The following LTBP1 variants were observed in gnomAD, a reference collection of about 807,000 sequenced individuals.
LTBP1 encodes the protein latent transforming growth factor beta binding protein 1.
Under a neutral mutation model 207.6 loss-of-function variants are expected in LTBP1, and 129 were observed. The ratio of observed to expected loss-of-function variants is 0.62; its 90% confidence interval spans 0.54 to 0.72. The LOEUF (loss-of-function observed/expected upper bound fraction) is 0.72. Among genes scored for constraint, LTBP1 ranks in the 30% least tolerant of loss-of-function variants. The pLI is 0.00. For missense variants in LTBP1, 2,281 were observed against 2,217.2 expected, an observed-to-expected ratio of 1.03 and a Z score of -0.58; for synonymous variants, 963 against 833.7, an observed-to-expected ratio of 1.16 and a Z score of -2.67.
chr2:33,213,470 A>G (rs2090459331), intron 7 of LTBP1, among the ~76,000 whole-genome samples: 1 of 152,216 alleles, frequency 6.6e-6, no homozygotes, highest in Non-Finnish European at 1.5e-5. Flanking sequence ...GCAGAACCTA[A>G]CAGTCATAGA....
chr2:33,061,318 T>A (rs2077261867), intron 3 of LTBP1: 1 of 152,164 alleles, frequency 6.6e-6, no homozygotes, highest in South Asian at 2.1e-4. Flanking sequence ...GGTCAGTATT[T>A]GCTTATAGTG....
intron 5 of LTBP1, among the ~76,000 whole-genome samples, chr2:33,155,239 T>C (rs944563884): frequency 2.0e-5 from 3 of 152,148 alleles, no homozygotes; most frequent in African/African-American, 7.2e-5. Context: ...CTAATTTTTG[T>C]ATTTTTAGAA....
chr2:33,147,157 G>C (rs1490864607), intron 5 of LTBP1, among the ~76,000 whole-genome samples: 1 of 152,158 alleles, frequency 6.6e-6, no homozygotes, highest in Non-Finnish European at 1.5e-5. Flanking sequence ...ATGCTCAAAA[G>C]GTACAGATGC....
intron 22 of LTBP1, among the ~76,000 whole-genome samples, chr2:33,308,305 A>G (rs543253000): frequency 1.3e-5 from 2 of 152,200 alleles, no homozygotes; most frequent in African/African-American, 4.8e-5. Flanking sequence ...GTTATTGGTT[A>G]TGTATACCAC....
At chr2:33,263,669 A>G (rs1352027676) in intron 15 of LTBP1, among the ~76,000 whole-genome samples, 4 of 152,230 alleles carry the variant, frequency 2.6e-5, no homozygotes, top group Non-Finnish European at 5.9e-5. Context: ...AATACAGAAT[A>G]CAGGCTGGGT....
intron 3 of LTBP1, among the ~76,000 whole-genome samples, chr2:33,061,629 G>GTATA (rs2077275399): frequency 6.6e-6 from 1 of 152,106 alleles, no homozygotes; most frequent in Non-Finnish European, 1.5e-5. Flanking sequence ...ACTGTCGCGT[G>GTATA]AATAAGCAGT....
chr2:32,985,661 A>G (rs1033000092), intron 2 of LTBP1, among the ~76,000 whole-genome samples: 1 of 152,180 alleles, frequency 6.6e-6, no homozygotes, highest in African/African-American at 2.4e-5. Context: ...GAAATACATG[A>G]GAGATTCATT....
intron 3 of LTBP1, among the ~76,000 whole-genome samples, chr2:33,046,956 A>T (rs12712335): frequency 0.14 from 21,235 of 151,850 alleles, 1,615 homozygotes; most frequent in South Asian, 0.22. Context: ...ATCATTGGTG[A>T]TATCCCTTTT....
At chr2:33,092,954 T>G (rs1458108108) in intron 3 of LTBP1, among the ~76,000 whole-genome samples, 1 of 152,206 alleles carries the variant, frequency 6.6e-6, no homozygotes, top group Non-Finnish European at 1.5e-5. Flanking sequence ...CCTGCACTCC[T>G]TCCTTTTAGG....
At chr2:33,236,132 C>G (rs769808077) in intron 9 of LTBP1, among the ~76,000 whole-genome samples, 3 of 152,162 alleles carry the variant, frequency 2.0e-5, no homozygotes, top group Non-Finnish European at 2.9e-5. Context: ...CAGGTAAGAA[C>G]TAAGACTGCG....
chr2:33,369,436 G>A (rs2095040518), intron 31 of LTBP1, among the ~76,000 whole-genome samples: 1 of 152,204 alleles, frequency 6.6e-6, no homozygotes, highest in Non-Finnish European at 1.5e-5. Flanking sequence ...TGGTTGGCGA[G>A]AACAACTACT....
intron 15 of LTBP1, among the ~76,000 whole-genome samples, chr2:33,265,981 T>G (rs1224077307): frequency 6.6e-6 from 1 of 152,206 alleles, no homozygotes; most frequent in Non-Finnish European, 1.5e-5. Flanking sequence ...TTTGGCCACT[T>G]AGTGAGTCAG....
chr2:33,031,607 G>C (rs1004476344), intron 3 of LTBP1, among the ~76,000 whole-genome samples: 3 of 152,194 alleles, frequency 2.0e-5, no homozygotes, highest in African/African-American at 7.2e-5. Flanking sequence ...CTGGAGGACT[G>C]GACTAAAGGA....
At chr2:33,333,603 A>C (rs1250138033) in intron 24 of LTBP1, among the ~76,000 whole-genome samples, 3 of 152,222 alleles carry the variant, frequency 2.0e-5, no homozygotes, top group African/African-American at 7.2e-5. Flanking sequence ...GGCTTTAGCA[A>C]GTTGGTATTT....
chr2:33,269,734 A>G (rs2093273632), intron 15 of LTBP1, among the ~76,000 whole-genome samples: 1 of 152,176 alleles, frequency 6.6e-6, no homozygotes, highest in Non-Finnish European at 1.5e-5. Context: ...TGTGTGAGTG[A>G]CCACTTAGGA....
intron 31 of LTBP1, among the ~76,000 whole-genome samples, chr2:33,379,557 C>G (rs1210975370): frequency 6.6e-6 from 1 of 152,136 alleles, no homozygotes; most frequent in African/African-American, 2.4e-5. Flanking sequence ...GAGCCCCTTC[C>G]AAAGAAATCA....
intron 31 of LTBP1, among the ~76,000 whole-genome samples, chr2:33,387,586 C>T (rs142504424): frequency 5.3e-4 from 80 of 152,308 alleles, no homozygotes; most frequent in Middle Eastern, 6.8e-3. Flanking sequence ...TCTGGCCTCA[C>T]GCTTGCTTTG....
At chr2:33,189,046 C>T (rs1219197176) in intron 7 of LTBP1, among the ~76,000 whole-genome samples, 195 bp downstream of exon 7, 2 of 152,152 alleles carry the variant, frequency 1.3e-5, no homozygotes, top group Non-Finnish European at 1.5e-5. Flanking sequence ...ACTGTCTATG[C>T]CCATTTTCAT....
chr2:33,300,378 A>G, intron 20 of LTBP1, 73 bp from the exon 21 acceptor site: 1 of 1,487,220 alleles, frequency 6.7e-7, no homozygotes, highest in Admixed American at 1.7e-5. Flanking sequence ...TAATCCCAGA[A>G]TGCATTGCAG....
Sources: gnomAD v4.1 joint callset for allele counts (sites outside exome capture counted in the v4.1 genomes callset) on GRCh38, gnomAD v4.1.1 for gene constraint, MANE v1.5 for transcripts, NCBI Gene and HGNC (gene_info 2026-07-23, HGNC 2026-07-21) for gene names.